CUL3: variants seen among roughly 807,000 people sequenced by gnomAD.
CUL3 encodes cullin-3.
In CUL3, 19 loss-of-function variants were observed where a neutral mutation model predicts 89.1. The observed-to-expected ratio is 0.21, with a 90% CI of 0.15 to 0.31. The LOEUF is 0.31. Ranked by LOEUF, CUL3 falls within the 10% of genes least tolerant of loss-of-function variation. The probability of loss-of-function intolerance (pLI) is 1.00; values close to 1 mark genes in which losing one functional copy is unlikely to be tolerated. For synonymous variants in CUL3, 351 were observed against 308.4 expected (o/e 1.14, Z -1.45); for missense variants, 469 against 942.3 (o/e 0.50, Z 6.58).
rs969103000 is a variant in CUL3, at chr2:224,534,314, T to C, written c.378+1214A>G. On this transcript the variant is annotated intron_variant, in intron 3 of 15. Transcript: ENST00000264414. Reference sequence around the variant, plus strand: ...GACTGATGAAAACAAAATACAGCAATAGCCGGTGAAAAATGGAATATACAT... The same window carrying C: ...GACTGATGAAAACAAAATACAGCAACAGCCGGTGAAAAATGGAATATACAT... 5.3e-5 allele frequency among the ~76,000 whole-genome samples: 8 copies of C among 152,126 alleles called. 1 individual carries two copies. Among genetic ancestry groups the C allele is most frequent in the South Asian group, 2.1e-4 (1 of 4,832 alleles).
At chr2:224,488,067 G>A (rs865964091) in intron 13 of CUL3, among the ~76,000 whole-genome samples, 9 of 152,174 alleles carry the variant, frequency 5.9e-5, no homozygotes, top group East Asian at 3.9e-4. Context: ...AAGACACGAC[G>A]TACCAGAATC....
At chr2:224,519,448 T>C (rs1339344993) in intron 3 of CUL3, among the ~76,000 whole-genome samples, 1 of 152,198 alleles carries the variant, frequency 6.6e-6, no homozygotes, top group Non-Finnish European at 1.5e-5. Flanking sequence ...CATGGGTTAC[T>C]GTGGTGTAAG....
At chr2:224,580,451 C>T (rs1041149681) in intron 1 of CUL3, among the ~76,000 whole-genome samples, 2 of 152,142 alleles carry the variant, frequency 1.3e-5, no homozygotes, top group Non-Finnish European at 2.9e-5. Flanking sequence ...TGCGTAACAG[C>T]GGTGGGCTGA....
chr2:224,551,083 T>A (rs1694496105), intron 2 of CUL3, among the ~76,000 whole-genome samples: 2 of 151,706 alleles, frequency 1.3e-5, no homozygotes, highest in Admixed American at 6.6e-5. Flanking sequence ...TTTTTTTTTT[T>A]AATCGCTCTG....
intron 2 of CUL3, among the ~76,000 whole-genome samples, chr2:224,552,551 C>G (rs1694554093): frequency 6.6e-6 from 1 of 152,158 alleles, no homozygotes; most frequent in Non-Finnish European, 1.5e-5. Context: ...AAGAGATGTC[C>G]TCTCTGAAGC....
intron 3 of CUL3, among the ~76,000 whole-genome samples, chr2:224,519,905 G>A (rs1693200809): frequency 6.7e-6 from 1 of 149,288 alleles, no homozygotes; most frequent in South Asian, 2.1e-4. Context: ...CTCAAAGTAT[G>A]AACAAGATTT....
chr2:224,573,166 T>C (rs1417579529), intron 1 of CUL3, among the ~76,000 whole-genome samples: 2 of 152,216 alleles, frequency 1.3e-5, no homozygotes, highest in Non-Finnish European at 2.9e-5. Flanking sequence ...CATTTTACTG[T>C]TTAATCTATC....
At chr2:224,476,856 A>C (rs1456070869) in intron 15 of CUL3, among the ~76,000 whole-genome samples, 1 of 151,608 alleles carries the variant, frequency 6.6e-6, no homozygotes, top group Admixed American at 6.6e-5. Flanking sequence ...AAACCCTTCA[A>C]CTCTACACTG....
At chr2:224,505,747 T>C (rs1012935188) in intron 8 of CUL3, 30 of 280,856 alleles carry the variant, frequency 1.1e-4, no homozygotes, top group African/African-American at 6.4e-4. Context: ...GTTGCTTGTT[T>C]TTGAAGCCAA....
At chr2:224,564,670 G>A (rs952153334) in intron 1 of CUL3, among the ~76,000 whole-genome samples, 3 of 152,118 alleles carry the variant, frequency 2.0e-5, no homozygotes, top group African/African-American at 4.8e-5. Flanking sequence ...TGTGGATGGG[G>A]TGGGGACTTC....
rs1427501310 is a variant in CUL3, at chr2:224,474,051, CGTT to C, written c.*191_*193del. 12 of 477,504 alleles carry C rather than the reference CGTT, an allele frequency of 2.5e-5. No homozygotes were observed. The highest frequency in any genetic ancestry group is 4.9e-5 in the South Asian group (1 of 20,434). 29.6% of individuals were successfully genotyped at this position (477,504 alleles called of 1,614,324 possible). On this transcript the variant is annotated 3_prime_UTR_variant, in exon 16 of 16. Coordinates refer to ENST00000264414, the MANE Select transcript of CUL3 (RefSeq NM_003590.5). ...TAAAGATGATCTCTACAGGGATAAA[CGTT>C]GTAAAGCCTGAAGCTCAATCAACTG... is the stretch of plus-strand genomic sequence containing the variant.
At chr2:224,527,309 A>T (rs1693517814) in intron 3 of CUL3, among the ~76,000 whole-genome samples, 1 of 152,210 alleles carries the variant, frequency 6.6e-6, no homozygotes, top group South Asian at 2.1e-4. Flanking sequence ...GAATATTGTG[A>T]ACAAACTTTT....
intron 10 of CUL3, among the ~76,000 whole-genome samples, chr2:224,501,800 A>G (rs1022192994): frequency 3.9e-5 from 6 of 152,226 alleles, no homozygotes; most frequent in African/African-American, 1.2e-4. Context: ...CATCCATCCC[A>G]TATCAATATG....
chr2:224,574,070 T>A (rs1275380409), intron 1 of CUL3, among the ~76,000 whole-genome samples: 1 of 152,196 alleles, frequency 6.6e-6, no homozygotes, highest in Non-Finnish European at 1.5e-5. Context: ...TAAGAATGAC[T>A]TACAAACACA....
chr2:224,488,983 A>G (rs575410877), intron 13 of CUL3, among the ~76,000 whole-genome samples: 3 of 152,336 alleles, frequency 2.0e-5, no homozygotes, highest in African/African-American at 4.8e-5. Context: ...AACGTAATCC[A>G]CCACATAAAC....
intron 14 of CUL3, chr2:224,480,082 T>C (rs896398356): frequency 2.0e-5 from 3 of 146,848 alleles, no homozygotes; most frequent in Non-Finnish European, 3.0e-5. Flanking sequence ...CGCTGGGGGA[T>C]GGAATTTGAG....
intron 1 of CUL3, among the ~76,000 whole-genome samples, chr2:224,567,515 G>A (rs374049387): frequency 2.6e-5 from 4 of 152,054 alleles, no homozygotes; most frequent in South Asian, 2.1e-4. Flanking sequence ...AGAGGTGGGC[G>A]GATCACCAAG....
intron 1 of CUL3, among the ~76,000 whole-genome samples, chr2:224,558,727 C>A (rs2106307156): frequency 6.6e-6 from 1 of 152,280 alleles, no homozygotes; most frequent in Non-Finnish European, 1.5e-5. Flanking sequence ...ATCTCTAGTT[C>A]TATGCCAAAC....
At chr2:224,517,169 T>A (rs954720287) in intron 3 of CUL3, among the ~76,000 whole-genome samples, 2 of 152,222 alleles carry the variant, frequency 1.3e-5, no homozygotes, top group Non-Finnish European at 2.9e-5. Context: ...AAGTATATAT[T>A]GTACAGAAAA....
Sources: allele counts gnomAD v4.1 joint callset (sites outside exome capture counted in the v4.1 genomes callset), GRCh38; gene constraint gnomAD v4.1.1; transcripts MANE v1.5; gene names NCBI Gene and HGNC (gene_info 2026-07-23, HGNC 2026-07-21).